GOLM2: variants seen among roughly 807,000 people sequenced by gnomAD.
GOLM2 encodes the protein golgi membrane protein 2.
A neutral mutation model predicts 55.9 loss-of-function variants in GOLM2; 26 were observed. That is an observed-to-expected ratio of 0.47 (90% CI 0.34 to 0.65). The LOEUF (loss-of-function observed/expected upper bound fraction) is 0.65, where lower values mean the gene tolerates loss of function less well. GOLM2 is among the 30% of genes least tolerant of loss of function. The pLI, the probability that GOLM2 is intolerant of heterozygous loss-of-function variation, is 0.01. For synonymous variants in GOLM2, 165 were observed against 194.6 expected (o/e 0.85, Z 1.27); for missense variants, 486 against 531.8 (o/e 0.91, Z 0.85).
chr15:44,363,076 A>G (rs2141173989), intron 6 of GOLM2, among the ~76,000 whole-genome samples: 1 of 152,268 alleles, frequency 6.6e-6, no homozygotes, highest in East Asian at 1.9e-4. Flanking sequence ...GTTAGACCTA[A>G]AACCATAAAA....
chr15:44,337,975 G>A, intron 5 of GOLM2, 68 bp downstream of exon 5: 1 of 1,387,280 alleles, frequency 7.2e-7, no homozygotes, highest in Non-Finnish European at 9.9e-7. Flanking sequence ...ATTTTGAAGT[G>A]GATATTTTCA....
intron 6 of GOLM2, among the ~76,000 whole-genome samples, chr15:44,355,920 TAGAA>T (rs1248237174): frequency 1.3e-5 from 2 of 152,022 alleles, no homozygotes; most frequent in African/African-American, 4.8e-5. Flanking sequence ...AATAAAATAA[TAGAA>T]AGATAACTGG....
intron 1 of GOLM2, among the ~76,000 whole-genome samples, chr15:44,319,018 T>A (rs955978092): frequency 6.6e-6 from 1 of 152,156 alleles, no homozygotes; most frequent in Admixed American, 6.5e-5. Flanking sequence ...ATATCAGTCA[T>A]CATCATCATC....
intron 6 of GOLM2, among the ~76,000 whole-genome samples, chr15:44,366,004 G>GCT (rs1250877437): frequency 5.9e-5 from 9 of 152,128 alleles, no homozygotes; most frequent in African/African-American, 2.2e-4. Flanking sequence ...ACTTAAAACT[G>GCT]CTCTAAGTCT....
intron 8 of GOLM2, among the ~76,000 whole-genome samples, chr15:44,397,676 T>A (rs1275384917): frequency 6.6e-6 from 1 of 152,126 alleles, no homozygotes; most frequent in African/African-American, 2.4e-5. Context: ...ATTCTGATAG[T>A]TTAACCAATC....
At chr15:44,346,808 A>G (rs1467240865) in intron 6 of GOLM2, among the ~76,000 whole-genome samples, 1 of 152,148 alleles carries the variant, frequency 6.6e-6, no homozygotes, top group African/African-American at 2.4e-5. Context: ...CTAATAAACT[A>G]CCTATTCAAA....
At chr15:44,296,900 C>T (rs892676763) in intron 1 of GOLM2, among the ~76,000 whole-genome samples, 1 of 152,206 alleles carries the variant, frequency 6.6e-6, no homozygotes, top group African/African-American at 2.4e-5. Context: ...TAATATGCTG[C>T]ACATGATAAT....
Position 44,317,615 on chromosome 15 carries a change from C to G in GOLM2, c.328-5350C>G, listed in dbSNP as rs571964987. Among the ~76,000 whole-genome samples the G allele has an allele frequency of 4.0e-4, 61 of 152,210 alleles. 1 individual carries two copies. In the South Asian group the frequency reaches 0.012, roughly 29 times the overall value. On this transcript the variant is annotated intron_variant, in intron 1 of 9. Coordinates refer to ENST00000299957, the MANE Select transcript of GOLM2 (RefSeq NM_138423.4). ...TTTTTTGCTTCCCCTGTAGCTTTCC[C>G]TCAGTGATCTCATTCCTATGACCTG... is the stretch of plus-strand genomic sequence containing the variant.
intron 1 of GOLM2, among the ~76,000 whole-genome samples, chr15:44,312,775 G>T (rs755341458): frequency 9.2e-5 from 14 of 151,448 alleles, no homozygotes; most frequent in Admixed American, 2.0e-4. Context: ...GTGAAACCCC[G>T]TCTCTACTAA....
At chr15:44,321,609 T>G (rs1209244518) in intron 1 of GOLM2, among the ~76,000 whole-genome samples, 1 of 152,200 alleles carries the variant, frequency 6.6e-6, no homozygotes, top group East Asian at 1.9e-4. Flanking sequence ...TACATTCATA[T>G]TGTACCAATG....
chr15:44,306,330 A>G (rs2092523856), intron 1 of GOLM2, among the ~76,000 whole-genome samples: 1 of 151,986 alleles, frequency 6.6e-6, no homozygotes, highest in Non-Finnish European at 1.5e-5. Flanking sequence ...TTCATGAACC[A>G]ACCTCTGCTG....
intron 8 of GOLM2, chr15:44,390,600 T>G (rs1159823661): frequency 6.5e-6 from 1 of 152,716 alleles, no homozygotes; most frequent in Non-Finnish European, 1.5e-5. Flanking sequence ...AGTTTCACTC[T>G]TGTTGCCCAG....
At chr15:44,390,647 G>A (rs926711015) in intron 8 of GOLM2, among the ~76,000 whole-genome samples, 9 of 149,072 alleles carry the variant, frequency 6.0e-5, no homozygotes, top group African/African-American at 2.2e-4. Context: ...CTCACCCACC[G>A]CAACCTCCAC....
chr15:44,301,083 A>G (rs1470967959), intron 1 of GOLM2, among the ~76,000 whole-genome samples: 4 of 152,156 alleles, frequency 2.6e-5, no homozygotes, highest in East Asian at 3.8e-4. Flanking sequence ...TCAATTTTCT[A>G]TATCCAATTT....
chr15:44,344,354 A>G (rs2079109686), intron 6 of GOLM2, among the ~76,000 whole-genome samples: 1 of 151,332 alleles, frequency 6.6e-6, no homozygotes, highest in Middle Eastern at 3.4e-3. Flanking sequence ...GCCTAGGGTT[A>G]GCATTTTGTT....
chr15:44,347,431 G>A (rs1332421926), intron 6 of GOLM2, among the ~76,000 whole-genome samples: 1 of 152,160 alleles, frequency 6.6e-6, no homozygotes, highest in African/African-American at 2.4e-5. Flanking sequence ...TGCAGTAATT[G>A]TGAGACTTTG....
intron 6 of GOLM2, chr15:44,345,924 C>T (rs1304680660): frequency 6.7e-6 from 1 of 149,882 alleles, no homozygotes; most frequent in African/African-American, 2.5e-5. Flanking sequence ...GTGTGTGTGA[C>T]AGAGTCTCGC....
At chr15:44,330,470 G>A (rs540073613) in intron 3 of GOLM2, among the ~76,000 whole-genome samples, 150 of 144,988 alleles carry the variant, frequency 1.0e-3, no homozygotes, top group Non-Finnish European at 2.0e-3. Flanking sequence ...CCGAGATCGC[G>A]CCATTGCACT....
intron 9 of GOLM2, among the ~76,000 whole-genome samples, chr15:44,409,336 T>C (rs1235596025): frequency 1.4e-5 from 2 of 148,140 alleles, no homozygotes; most frequent in East Asian, 4.0e-4. Flanking sequence ...GCCTGTAATC[T>C]AGCACTTTGG....
Sources: gnomAD v4.1 joint callset for allele counts (sites outside exome capture counted in the v4.1 genomes callset) on GRCh38, gnomAD v4.1.1 for gene constraint, MANE v1.5 for transcripts, NCBI Gene and HGNC (gene_info 2026-07-23, HGNC 2026-07-21) for gene names.